Variants in PCDHGC3 observed in about 807,000 individuals in gnomAD.
PCDHGC3 encodes the protein protocadherin gamma subfamily C, 3, also known as protocadherin gamma-C3.
PCDHGC3 carries 26 observed loss-of-function variants against 59.2 expected under a neutral mutation model. The observed-to-expected ratio is 0.44, with a 90% confidence interval of 0.32 to 0.61. PCDHGC3 has a LOEUF of 0.61. Among genes scored for constraint, PCDHGC3 ranks in the 20% least tolerant of loss-of-function variants. The probability of loss-of-function intolerance (pLI) is 0.05; values close to 1 mark genes in which losing one functional copy is unlikely to be tolerated. For missense variants in PCDHGC3, 1,080 were observed against 1,221.8 expected (o/e 0.88, Z 1.73); for synonymous variants, 487 against 519.7 (o/e 0.94, Z 0.86).
Position 141,486,314 on chromosome 5 carries a change from T to C in PCDHGC3, c.2430+7768T>C, listed in dbSNP as rs775833520. The C allele has an allele frequency of 4.5e-5, 72 of 1,613,758 alleles. No homozygotes were observed. The highest frequency in any genetic ancestry group is 5.9e-5 in the Non-Finnish European group (70 of 1,179,984). On this transcript the variant is annotated intron_variant, in intron 1 of 3. Transcript: ENST00000308177. This position sits in a 1 kb window ranked among gnomAD's most constrained non-coding sequence, Gnocchi z 5.0. ...CAGTGTGCAGGATCCAGACTCAGGG[T>C]CAAACGGAGATGTGAGCCTCCGCAT...
rs758578821 is a variant in PCDHGC3 at position 141,486,659 on chromosome 5, G to C, written c.2430+8113G>C. The C allele has an allele frequency of 6.8e-6, 11 of 1,613,944 alleles. No individual in the cohort carries two copies. The highest frequency in any genetic ancestry group is 8.5e-6 in the Non-Finnish European group (10 of 1,180,026). On this transcript the variant is annotated intron_variant, in intron 1 of 3. Coordinates refer to ENST00000308177, the MANE Select transcript of PCDHGC3 (RefSeq NM_002588.4). The surrounding 1 kb of genome is among the most constrained non-coding windows in gnomAD (Gnocchi z 5.0). ...TGCGCTTATCTCCTACTCACTCCTGGAGCCCAGGAATCGAGATGTATCAGC... is the reference window on the plus strand; with the variant it reads ...TGCGCTTATCTCCTACTCACTCCTGCAGCCCAGGAATCGAGATGTATCAGC...
At chr5:141,494,223 C>T (rs1435042163) in intron 1 of PCDHGC3, among the ~76,000 whole-genome samples, 2 of 152,192 alleles carry the variant, frequency 1.3e-5, no homozygotes, top group African/African-American at 4.8e-5. Context: ...TGGCATGACT[C>T]CTAAATTAAT....
chr5:141,486,169 A>T lies in PCDHGC3; in HGVS notation c.2430+7623A>T. On this transcript the variant is annotated intron_variant, in intron 1 of 3. Transcript: ENST00000308177. The surrounding 1 kb of genome is among the most constrained non-coding windows in gnomAD (Gnocchi z 5.0). ...ATGGGGGTTCTCCAGCCATGGAGCA[A>T]CATTGCAGCCTTCGAGTGGATCTGC... 1 of 1,614,206 alleles carries T rather than the reference A, an allele frequency of 6.2e-7. No homozygotes were observed. Among genetic ancestry groups the T allele is most frequent in the Non-Finnish European group, 8.5e-7 (1 of 1,180,032 alleles).
chr5:141,477,901 C>T lies in PCDHGC3; in HGVS notation c.1785C>T (p.Gly595=), dbSNP rs2099423750. ...SAGHLVSRVV[G]WDADAGHNAW... ...GCCACCTAGTGTCACGGGTGGTAGG[C>T]TGGGACGCGGATGCAGGGCACAATG... The change falls in exon 1 of 4, where the codon GGC becomes GGT. Residue 595 remains glycine, a synonymous_variant. Transcript: ENST00000308177. The surrounding 1 kb of genome is among the most constrained non-coding windows in gnomAD (Gnocchi z 4.9). The T allele has an allele frequency of 1.9e-6, 3 of 1,614,188 alleles. No homozygotes were observed. The highest frequency in any genetic ancestry group is 2.5e-6 in the Non-Finnish European group (3 of 1,180,042).
At chr5:141,505,567 T>A in intron 3 of PCDHGC3, 86 bp downstream of exon 3, 2 of 1,599,440 alleles carry the variant, frequency 1.3e-6, no homozygotes, top group Non-Finnish European at 1.7e-6. Context: ...ACGGACTGGA[T>A]GTCAAACCTG....
At chr5:141,479,620 G>A (rs2099501211) in intron 1 of PCDHGC3, 2 of 152,192 alleles carry the variant, frequency 1.3e-5, no homozygotes, top group African/African-American at 4.8e-5. Context: ...GGGAAACCAT[G>A]TCTCTTTAAC....
intron 1 of PCDHGC3, among the ~76,000 whole-genome samples, chr5:141,481,194 T>C (rs74538051): frequency 0.017 from 2,576 of 152,298 alleles, 78 homozygotes; most frequent in African/African-American, 0.059. Context: ...CCAGGCCCAA[T>C]TTTTTTAAAA....
rs1188870363 is a variant in PCDHGC3 at position 141,490,058 on chromosome 5, C to T, written c.2431-4749C>T. ...AATGCCACTGATCCAGACGAGGGCA[C>T]CAACGGCCAACTAGACTATTCTTTT... On this transcript the variant is annotated intron_variant, in intron 1 of 3. Coordinates refer to ENST00000308177, the MANE Select transcript of PCDHGC3 (RefSeq NM_002588.4). The surrounding 1 kb of genome is among the most constrained non-coding windows in gnomAD (Gnocchi z 5.4). The T allele has an allele frequency of 6.2e-7, 1 of 1,614,230 alleles. No individual in the cohort carries two copies. Among genetic ancestry groups the T allele is most frequent in the South Asian group, 1.1e-5 (1 of 91,084 alleles).
At chr5:141,483,009 C>G (rs538900128) in intron 1 of PCDHGC3, among the ~76,000 whole-genome samples, 1 of 152,060 alleles carries the variant, frequency 6.6e-6, no homozygotes, top group South Asian at 2.1e-4. Context: ...TGCTTGAACC[C>G]GGGAGGCAGA....
intron 1 of PCDHGC3, among the ~76,000 whole-genome samples, chr5:141,480,386 A>G (rs966068994): frequency 6.6e-6 from 1 of 151,826 alleles, no homozygotes; most frequent in Non-Finnish European, 1.5e-5. Context: ...CTACACTTCA[A>G]CCATGGCAAT....
In PCDHGC3 at chr5:141,478,509, G is replaced by C; in HGVS notation, c.2393G>C (p.Arg798Thr). Residue 798 changes from arginine to threonine, a missense_variant, in exon 1 of 4, where the codon AGG becomes ACG. Transcript: ENST00000308177. ...TLRSCDPVFYRQVLGAESAPP... is the reference protein window; with the variant it reads ...TLRSCDPVFYTQVLGAESAPP... Reference sequence around the variant, plus strand: ...CGGAGCTGTGATCCGGTGTTCTATAGGCAGGTGTTGGGTGCAGAGAGCGCC... The same window carrying C: ...CGGAGCTGTGATCCGGTGTTCTATACGCAGGTGTTGGGTGCAGAGAGCGCC... The C allele has an allele frequency of 6.2e-7, 1 of 1,611,878 alleles. No homozygotes were observed. Among genetic ancestry groups the C allele is most frequent in the Non-Finnish European group, 8.5e-7 (1 of 1,178,954 alleles).
At position 141,511,424 on chromosome 5, in the gene PCDHGC3, G is replaced by A. The variant is rs939906846; in HGVS notation, c.*251G>A. 10 of 810,392 alleles carry A rather than the reference G, an allele frequency of 1.2e-5. No homozygotes were observed. Among genetic ancestry groups the A allele is most frequent in the East Asian group, 3.0e-5 (1 of 33,800 alleles). The allele number at this position is 810,392 out of a possible 1,614,324, so 50.2% of individuals were successfully genotyped here. On this transcript the variant is annotated 3_prime_UTR_variant, in exon 4 of 4. Transcript: ENST00000308177. The stretch of plus-strand genomic sequence containing the variant: ...ATCAACTGCTGTACCCATGGGGGTA[G>A]TGGGGTTACTGTAGACACCAAGAAC...
chr5:141,479,801 G>A (rs2099507037), intron 1 of PCDHGC3, among the ~76,000 whole-genome samples: 1 of 152,118 alleles, frequency 6.6e-6, no homozygotes, highest in Non-Finnish European at 1.5e-5. Flanking sequence ...AATTCAGGGT[G>A]GTATGCAAGG....
At chr5:141,495,605 T>G (rs1201224193) in intron 2 of PCDHGC3, among the ~76,000 whole-genome samples, 2 of 152,228 alleles carry the variant, frequency 1.3e-5, no homozygotes, top group African/African-American at 2.4e-5. Context: ...GCTTCCGTCT[T>G]GATTGCTGCA....
At chr5:141,483,917 T>A (rs565465724) in intron 1 of PCDHGC3, among the ~76,000 whole-genome samples, 2 of 151,262 alleles carry the variant, frequency 1.3e-5, no homozygotes, top group South Asian at 4.2e-4. Context: ...CCCACTCAGA[T>A]TGCAGGTCGT....
At chr5:141,495,014 G>A (rs561045298) in intron 2 of PCDHGC3, 149 bp downstream of exon 2, 13 of 1,510,430 alleles carry the variant, frequency 8.6e-6, no homozygotes, top group South Asian at 7.5e-5. Flanking sequence ...GCGGGGGGCT[G>A]GCACACAGAC....
chr5:141,490,080 T>A lies in PCDHGC3; in HGVS notation c.2431-4727T>A, dbSNP rs2099695881. On this transcript the variant is annotated intron_variant, in intron 1 of 3. Coordinates refer to ENST00000308177, the MANE Select transcript of PCDHGC3 (RefSeq NM_002588.4). The surrounding 1 kb of genome is among the most constrained non-coding windows in gnomAD (Gnocchi z 5.4). ...GCACCAACGGCCAACTAGACTATTCTTTTGGAGACCACACATCTGAGGCAG... is the reference window on the plus strand; with the variant it reads ...GCACCAACGGCCAACTAGACTATTCATTTGGAGACCACACATCTGAGGCAG... The A allele has an allele frequency of 6.2e-7, 1 of 1,614,246 alleles. No homozygotes were observed. The highest frequency in any genetic ancestry group is 2.2e-5 in the East Asian group (1 of 44,884).
In PCDHGC3 at chr5:141,486,143, G is replaced by T; in HGVS notation, c.2430+7597G>T. On this transcript the variant is annotated intron_variant, in intron 1 of 3. Coordinates refer to ENST00000308177, the MANE Select transcript of PCDHGC3 (RefSeq NM_002588.4). This position sits in a 1 kb window ranked among gnomAD's most constrained non-coding sequence, Gnocchi z 5.0. ...CTATGAATTTGATGTGCGGGCTCGC[G>T]ATGGGGGTTCTCCAGCCATGGAGCA... 6.2e-7 allele frequency: 1 copy of T among 1,614,198 alleles called. No homozygotes were observed. Among genetic ancestry groups the T allele is most frequent in the Non-Finnish European group, 8.5e-7 (1 of 1,180,030 alleles).
At chr5:141,481,346 C>T (rs2099536003) in intron 1 of PCDHGC3, among the ~76,000 whole-genome samples, 1 of 152,248 alleles carries the variant, frequency 6.6e-6, no homozygotes, top group Non-Finnish European at 1.5e-5. Context: ...ATTATTTAAA[C>T]ATCTACAGCT....
Sources: allele counts gnomAD v4.1 joint callset (sites outside exome capture counted in the v4.1 genomes callset), GRCh38; gene constraint gnomAD v4.1.1; non-coding constraint Gnocchi (gnomAD v3.1); transcripts MANE v1.5; gene names NCBI Gene and HGNC (gene_info 2026-07-23, HGNC 2026-07-21).